Variants in WWOX observed in about 807,000 individuals in gnomAD.
WWOX encodes WW domain containing oxidoreductase.
WWOX carries 69 observed loss-of-function variants against 46.2 expected under a neutral mutation model. The observed-to-expected ratio is 1.49, with a 90% CI of 1.23 to 1.82. WWOX has a LOEUF of 1.82. Among genes scored for constraint, WWOX ranks in the 40% most tolerant of loss-of-function variants. WWOX has a pLI of 0.00. For missense variants in WWOX, 919 were observed against 542.6 expected, an observed-to-expected ratio of 1.69 and a Z score of -6.89; for synonymous variants, 359 against 202.6, an observed-to-expected ratio of 1.77 and a Z score of -6.56.
At chr16:78,862,663 A>G (rs1438885356) in intron 8 of WWOX, among the ~76,000 whole-genome samples, 1 of 152,116 alleles carries the variant, frequency 6.6e-6, no homozygotes, top group Non-Finnish European at 1.5e-5. Context: ...GTTCCATTCC[A>G]TATCCAAGTC....
Position 78,483,930 on chromosome 16 carries a change from C to T in WWOX, c.1056+51178C>T, listed in dbSNP as rs185475859. Among the ~76,000 whole-genome samples the T allele has an allele frequency of 1.2e-3, 176 of 152,300 alleles. 1 individual carries two copies. Among genetic ancestry groups the T allele is most frequent in the South Asian group, 1.5e-3 (7 of 4,822 alleles). The stretch of plus-strand genomic sequence containing the variant: ...TAGGGGGCAGGTTTTGTGGCTGTGA[C>T]AGAACACGTGGCCCCTAGTGTGTCT... On this transcript the variant is annotated intron_variant, in intron 8 of 8. Transcript: ENST00000566780.
chr16:79,024,634 A>T (rs895582489), intron 8 of WWOX, among the ~76,000 whole-genome samples: 1 of 151,856 alleles, frequency 6.6e-6, no homozygotes, highest in Non-Finnish European at 1.5e-5. Flanking sequence ...ACGGGGTTTC[A>T]CCATGTTAGC....
intron 8 of WWOX, among the ~76,000 whole-genome samples, chr16:78,716,338 C>T (rs1441538367): frequency 6.6e-6 from 1 of 152,056 alleles, no homozygotes; most frequent in Non-Finnish European, 1.5e-5. Context: ...CTGTTGACAC[C>T]TTGATTTCAG....
chr16:78,977,407 C>G (rs867788210), intron 8 of WWOX, among the ~76,000 whole-genome samples: 14 of 152,260 alleles, frequency 9.2e-5, no homozygotes, highest in Admixed American at 3.9e-4. Context: ...GGGTGGCACT[C>G]TTTATTCTGT....
At chr16:78,836,668 G>A (rs148224453) in intron 8 of WWOX, among the ~76,000 whole-genome samples, 1 of 152,158 alleles carries the variant, frequency 6.6e-6, no homozygotes, top group Non-Finnish European at 1.5e-5. Context: ...CATTTGCGGG[G>A]TGTAGAAAAT....
intron 8 of WWOX, among the ~76,000 whole-genome samples, chr16:78,764,712 A>C (rs7194114): frequency 0.16 from 24,607 of 150,492 alleles, 5,535 homozygotes; most frequent in African/African-American, 0.51. Flanking sequence ...AATGGGTGCA[A>C]TTCTAGTACC....
intron 8 of WWOX, among the ~76,000 whole-genome samples, chr16:78,759,070 A>T (rs1379411674): frequency 6.6e-6 from 1 of 152,004 alleles, no homozygotes; most frequent in Non-Finnish European, 1.5e-5. Context: ...ATATATTCCC[A>T]CTTTTGATTT....
At chr16:78,756,650 C>T (rs1465753430) in intron 8 of WWOX, among the ~76,000 whole-genome samples, 1 of 152,032 alleles carries the variant, frequency 6.6e-6, no homozygotes, top group African/African-American at 2.4e-5. Context: ...TTTTTACACT[C>T]CTTTGTTTCA....
At chr16:78,661,487 T>C (rs1401448481) in intron 8 of WWOX, among the ~76,000 whole-genome samples, 1 of 152,208 alleles carries the variant, frequency 6.6e-6, no homozygotes, top group African/African-American at 2.4e-5. Context: ...AACAGTTATT[T>C]GTCTGGATTT....
intron 6 of WWOX, among the ~76,000 whole-genome samples, chr16:78,397,319 TTATC>T (rs1409117466): frequency 6.6e-6 from 1 of 152,182 alleles, no homozygotes; most frequent in African/African-American, 2.4e-5. Context: ...TATCAGCTAT[TTATC>T]ATGTGTCATG....
chr16:78,497,393 T>C (rs2084943760), intron 8 of WWOX, among the ~76,000 whole-genome samples: 1 of 152,196 alleles, frequency 6.6e-6, no homozygotes. Flanking sequence ...GAAAGCTCCA[T>C]GACACTGGTC....
At chr16:78,475,892 A>G (rs1381814707) in intron 8 of WWOX, among the ~76,000 whole-genome samples, 1 of 152,192 alleles carries the variant, frequency 6.6e-6, no homozygotes, top group African/African-American at 2.4e-5. Flanking sequence ...CTACCTTTTA[A>G]AAATTAGAAC....
At chr16:78,940,639 G>A (rs996535001) in intron 8 of WWOX, among the ~76,000 whole-genome samples, 6 of 150,718 alleles carry the variant, frequency 4.0e-5, no homozygotes, top group African/African-American at 9.8e-5. Context: ...AAACAGGCAT[G>A]TGCACATATG....
intron 8 of WWOX, among the ~76,000 whole-genome samples, chr16:78,818,164 C>A (rs542625122): frequency 1.3e-5 from 2 of 152,288 alleles, no homozygotes; most frequent in Admixed American, 1.3e-4. Flanking sequence ...GAAGGATGTG[C>A]CCTTGCAGAA....
chr16:78,543,283 A>G (rs970181875), intron 8 of WWOX, among the ~76,000 whole-genome samples: 6 of 152,170 alleles, frequency 3.9e-5, no homozygotes, highest in African/African-American at 1.4e-4. Context: ...TTGGCTGCCT[A>G]CTGGCTAGGC....
chr16:78,127,820 G>T (rs891293789), intron 4 of WWOX, among the ~76,000 whole-genome samples: 5 of 152,140 alleles, frequency 3.3e-5, no homozygotes, highest in Non-Finnish European at 5.9e-5. Flanking sequence ...CACTTAAAAA[G>T]GTAGGACAGT....
At chr16:78,578,297 T>A (rs1467557026) in intron 8 of WWOX, among the ~76,000 whole-genome samples, 2 of 105,428 alleles carry the variant, frequency 1.9e-5, no homozygotes, top group African/African-American at 3.8e-5. Flanking sequence ...TTTTTTTTTT[T>A]TTTTTTTTTT....
intron 8 of WWOX, among the ~76,000 whole-genome samples, chr16:78,617,688 C>T (rs1289302807): frequency 2.6e-5 from 4 of 152,140 alleles, no homozygotes; most frequent in African/African-American, 9.7e-5. Flanking sequence ...TTCCAGTGGG[C>T]CCCGCTGCAT....
rs867041774 is a variant in WWOX at position 78,381,941 on chromosome 16, C to G, written c.517-4919C>G. Among the ~76,000 whole-genome samples, 6 of 152,178 alleles carry G rather than the reference C, an allele frequency of 3.9e-5. 1 individual carries two copies. Among genetic ancestry groups the G allele is most frequent in the Admixed American group, 3.9e-4 (6 of 15,278 alleles). On this transcript the variant is annotated intron_variant, in intron 5 of 8. Coordinates refer to ENST00000566780, the MANE Select transcript of WWOX (RefSeq NM_016373.4). ...AGTGCAGTGGCACGATCATGTCTCA[C>G]GGCAGCCTCGACTTTCCAGGTTCAA...
Sources: gnomAD v4.1 joint callset for allele counts (sites outside exome capture counted in the v4.1 genomes callset) on GRCh38, gnomAD v4.1.1 for gene constraint, MANE v1.5 for transcripts, NCBI Gene and HGNC (gene_info 2026-07-23, HGNC 2026-07-21) for gene names.